The following PGAP6 variants were observed in gnomAD, a reference collection of about 807,000 sequenced individuals.
The protein encoded by PGAP6 is post-GPI attachment to proteins factor 6.
A neutral mutation model predicts 68.4 loss-of-function variants in PGAP6; 62 were observed. The observed-to-expected ratio is 0.91, with a 90% confidence interval of 0.74 to 1.12. The LOEUF (loss-of-function observed/expected upper bound fraction) is 1.12, where lower values mean the gene tolerates loss of function less well. Among genes scored for constraint, PGAP6 ranks in the 50% most tolerant of loss-of-function variants. PGAP6 has a pLI of 0.00. For missense variants in PGAP6, 1,188 were observed against 1,068.5 expected, an observed-to-expected ratio of 1.11 and a Z score of -1.56; for synonymous variants, 575 against 474.0, an observed-to-expected ratio of 1.21 and a Z score of -2.77.
chr16:386,252 A>G (rs538915176), upstream of PGAP6, among the ~76,000 whole-genome samples: 5 of 152,266 alleles, frequency 3.3e-5, no homozygotes, highest in East Asian at 1.9e-4. Flanking sequence ...CAAAAAAAAA[A>G]AGCCGTAATC....
At chr16:373,203 G>C (rs190371845) in intron 11 of PGAP6, among the ~76,000 whole-genome samples, 17 of 152,322 alleles carry the variant, frequency 1.1e-4, no homozygotes, top group Admixed American at 4.6e-4. Context: ...GCAGGACCCT[G>C]GTGCTTCCCA....
At chr16:384,181 A>G (rs2141770670), upstream of PGAP6, 1 of 152,676 alleles carries the variant, frequency 6.5e-6, no homozygotes, top group East Asian at 1.9e-4. Context: ...GGCTGGGCCC[A>G]AGCCCCCCTC....
chr16:377,549 C>A lies in PGAP6; in HGVS notation c.336G>T (p.Pro112=), dbSNP rs748980628. Residue 112 remains proline (P), a synonymous_variant, in exon 3 of 13, where the codon CCG becomes CCT. Transcript: ENST00000431232. ...TGTCGTCCGGGAAGCTGGTGCCCAG[C>A]GGGTTGATGACCGGAGGGGCGCCGG... The part of the protein sequence containing the change: ...FRSGAPPVIN[P]LGTSFPDDTA... The A allele has an allele frequency of 3.1e-6, 5 of 1,587,754 alleles. No homozygotes were observed. Among genetic ancestry groups the A allele is most frequent in the South Asian group, 1.1e-5 (1 of 87,816 alleles).
At chr16:373,376 C>T (rs1267332355) in intron 11 of PGAP6, among the ~76,000 whole-genome samples, 6 of 152,214 alleles carry the variant, frequency 3.9e-5, no homozygotes, top group Admixed American at 3.9e-4. Flanking sequence ...GTCCCCAAAG[C>T]ATCATTGGCC....
chr16:382,459 C>T (rs902888708), upstream of PGAP6: 13 of 373,654 alleles, frequency 3.5e-5, no homozygotes, highest in African/African-American at 2.3e-4. Flanking sequence ...CCGGCCTTCA[C>T]GCCGCAGAGC....
At chr16:382,953 C>G (rs2054456727), upstream of PGAP6, among the ~76,000 whole-genome samples, 1 of 148,722 alleles carries the variant, frequency 6.7e-6, no homozygotes. Flanking sequence ...GCCAGGGATA[C>G]GCTGATCCTC....
chr16:381,644 C>T, intron 1 of PGAP6, 57 bp downstream of exon 1: 2 of 1,158,138 alleles, frequency 1.7e-6, no homozygotes, highest in Non-Finnish European at 2.1e-6. Context: ...GTCACAATCC[C>T]GCCCCGCCCG....
In PGAP6 at chr16:376,164, G is replaced by A; in HGVS notation, c.1196C>T (p.Ser399Phe). Residue 399 changes from serine to phenylalanine, a missense_variant, in exon 6 of 13, where the codon TCC (serine) becomes TTC (phenylalanine). Ser to Phe is a radical substitution (Grantham distance 155). Coordinates refer to ENST00000431232, the MANE Select transcript of PGAP6 (RefSeq NM_021259.3). ...RLNTGMDSGG[S>F]LTISLRANKT... ...GTTGGCCCGCAGGGAGATGGTGAGG[G>A]AACCCCCGCTGTCCATGCCGGTGTT... The A allele has an allele frequency of 6.2e-7, 1 of 1,608,264 alleles. No homozygotes were observed. Among genetic ancestry groups the A allele is most frequent in the Non-Finnish European group, 8.5e-7 (1 of 1,176,860 alleles).
In PGAP6 at chr16:375,425, C is replaced by G; in HGVS notation, c.1235G>C (p.Arg412Pro). Reference sequence around the variant, plus strand: ...GCAGGCCACTACGACGGTCTCGTTCCGCATCTCTGTCTGGAAAGGGAGGCG... The same window carrying G: ...GCAGGCCACTACGACGGTCTCGTTCGGCATCTCTGTCTGGAAAGGGAGGCG... ...ISLRANKTEM[R>P]NETVVVACVN... Residue 412 changes from arginine to proline, a missense_variant, in exon 7 of 13, where the codon CGG becomes CCG. Transcript: ENST00000431232. 1 of 1,612,280 alleles carries G rather than the reference C, an allele frequency of 6.2e-7. No homozygotes were observed. The highest frequency in any genetic ancestry group is 8.5e-7 in the Non-Finnish European group (1 of 1,179,940).
intron 7 of PGAP6, 26 bp downstream of exon 7, chr16:375,319 C>G (rs771323863): frequency 2.0e-5 from 33 of 1,612,616 alleles, no homozygotes; most frequent in Non-Finnish European, 2.3e-5. Context: ...CGGGGCCACG[C>G]TGACGGTGAC....
At chr16:375,969 G>T (rs2054378593) in intron 6 of PGAP6, among the ~76,000 whole-genome samples, 167 bp downstream of exon 6, 1 of 151,272 alleles carries the variant, frequency 6.6e-6, no homozygotes. Context: ...ACAGGAACAA[G>T]GCTGCCCAGC....
upstream of PGAP6, chr16:386,976 G>A (rs1290226203): frequency 7.1e-6 from 4 of 566,866 alleles, no homozygotes; most frequent in Non-Finnish European, 6.9e-6. Context: ...AAACAAGCTT[G>A]GCCACTATGC....
rs145211537 is a variant in PGAP6 at position 377,147 on chromosome 16, A to G, written c.525T>C (p.Cys175=). ...KIELKGLAPT[C]AYVFQPELLV... ...GCAGTTCAGGCTGGAAGACGTAGGC[A>G]CAGGTGGGAGCCAAGCCCTAGGGAA... The change falls in exon 4 of 13, where the codon TGT becomes TGC. Residue 175 remains cysteine (C), a synonymous_variant. Coordinates refer to ENST00000431232, the MANE Select transcript of PGAP6 (RefSeq NM_021259.3). 6 of 1,613,536 alleles carry G rather than the reference A, an allele frequency of 3.7e-6. No homozygotes were observed. The highest frequency in any genetic ancestry group is 4.2e-6 in the Non-Finnish European group (5 of 1,180,010).
At chr16:373,787 G>A (rs1018954439) in intron 11 of PGAP6, among the ~76,000 whole-genome samples, 1 of 151,684 alleles carries the variant, frequency 6.6e-6, no homozygotes, top group African/African-American at 2.4e-5. Flanking sequence ...GGGATTACAG[G>A]TGTGAGCCAC....
At chr16:375,998 T>C (rs2054378804) in intron 6 of PGAP6, 138 bp downstream of exon 6, 2 of 865,910 alleles carry the variant, frequency 2.3e-6, no homozygotes, top group Admixed American at 3.1e-5. Context: ...CCCCCCAACA[T>C]GGGCCCCTGT....
Position 374,407 on chromosome 16 carries a change from C to T in PGAP6, c.1577-8G>A. 1 of 1,557,658 alleles carries T rather than the reference C, an allele frequency of 6.4e-7. No individual in the cohort carries two copies. The highest frequency in any genetic ancestry group is 8.7e-7 in the Non-Finnish European group (1 of 1,155,986). ...AGCTCCACCCACGCCAGCCTGCGGT[C>T]ACAAAACCCCGACGCGGAGGCTGGG... On this transcript the variant is annotated splice_polypyrimidine_tract_variant and splice_region_variant and intron_variant, in intron 9 of 12. Transcript: ENST00000431232.
intron 11 of PGAP6, among the ~76,000 whole-genome samples, chr16:373,739 T>C (rs891463616): frequency 6.6e-6 from 1 of 152,204 alleles, no homozygotes; most frequent in African/African-American, 2.4e-5. Flanking sequence ...CAGGCTGCTC[T>C]TGAACCCCTG....
rs763143 is a variant in PGAP6, at chr16:378,451, G to C, written c.122-603C>G. Among the ~76,000 whole-genome samples, 89 of 54,878 alleles carry C rather than the reference G, an allele frequency of 1.6e-3. 9 individuals carry two copies. The highest frequency in any genetic ancestry group is 2.4e-3 in the Admixed American group (12 of 5,072). The allele number at this position is 54,878 out of a possible 152,430, so 36.0% of individuals were successfully genotyped here. On this transcript the variant is annotated intron_variant, in intron 1 of 12. Transcript: ENST00000431232. The stretch of plus-strand genomic sequence containing the variant: ...TGCCATCCCCACCCGCACTGCCATC[G>C]CCACCCACACTGCCATCGCCACCCG...
chr16:375,783 G>C (rs2054377077), intron 6 of PGAP6, among the ~76,000 whole-genome samples: 1 of 152,106 alleles, frequency 6.6e-6, no homozygotes, highest in African/African-American at 2.4e-5. Context: ...ACCCTCCTCG[G>C]CCTCCCAAAG....
Sources: gnomAD v4.1 joint callset for allele counts (sites outside exome capture counted in the v4.1 genomes callset) on GRCh38, gnomAD v4.1.1 for gene constraint, MANE v1.5 for transcripts, NCBI Gene and HGNC (gene_info 2026-07-23, HGNC 2026-07-21) for gene names.